The following RGS7 variants were observed in gnomAD, a reference collection of about 807,000 sequenced individuals.
RGS7 encodes the protein regulator of G protein signaling 7, also known as regulator of G-protein signaling 7.
RGS7 carries 27 observed loss-of-function variants against 81.1 expected under a neutral mutation model. The observed-to-expected ratio is 0.33, with a 90% CI of 0.25 to 0.46. The LOEUF (loss-of-function observed/expected upper bound fraction) is 0.46. RGS7 is among the 20% of genes least tolerant of loss of function. The pLI is 1.00. For missense variants in RGS7, 396 were observed against 607.4 expected (o/e 0.65, Z 3.66); for synonymous variants, 208 against 207.7 (o/e 1.00, Z -0.01).
chr1:241,098,597 T>A, intron 3 of RGS7, 69 bp downstream of exon 3: 1 of 1,014,088 alleles, frequency 9.9e-7, no homozygotes, highest in Non-Finnish European at 1.6e-6. Flanking sequence ...AGTGAACAGC[T>A]GGAATCAGTT....
chr1:241,345,587 T>G (rs1464374848), intron 2 of RGS7, among the ~76,000 whole-genome samples: 1 of 152,114 alleles, frequency 6.6e-6, no homozygotes, highest in Non-Finnish European at 1.5e-5. Context: ...TAAAAGTGAG[T>G]AAAATGAATA....
At chr1:241,069,365 T>C (rs1196634672) in intron 3 of RGS7, among the ~76,000 whole-genome samples, 2 of 152,182 alleles carry the variant, frequency 1.3e-5, no homozygotes, top group Non-Finnish European at 2.9e-5. Context: ...CACCTAGTGG[T>C]GGGTACCTTG....
At chr1:240,880,091 G>C (rs1226662849) in intron 6 of RGS7, among the ~76,000 whole-genome samples, 1 of 152,178 alleles carries the variant, frequency 6.6e-6, no homozygotes, top group Non-Finnish European at 1.5e-5. Context: ...ACCCAGACTG[G>C]AGTGCAGTGG....
At position 240,877,433 on chromosome 1, in the gene RGS7, CAT is replaced by C. The variant is rs1195297177; in HGVS notation, c.386-7316_386-7315del. ...TTTTATATATACATCTGCTAATACA[CAT>C]ATGAATATCTGTTTATATACAAAAT... On this transcript the variant is annotated intron_variant, in intron 6 of 18. Transcript: ENST00000440928. 6.6e-5 allele frequency among the ~76,000 whole-genome samples: 10 copies of C among 151,770 alleles called. 1 individual carries two copies. The South Asian group carries it at 1.9e-3, about 28-fold the overall frequency.
At chr1:241,072,894 G>A (rs2062562418) in intron 3 of RGS7, among the ~76,000 whole-genome samples, 1 of 152,106 alleles carries the variant, frequency 6.6e-6, no homozygotes, top group Admixed American at 6.5e-5. Context: ...CTCAAGTCAG[G>A]AGCTTCTCAG....
intron 3 of RGS7, among the ~76,000 whole-genome samples, chr1:241,009,836 C>A (rs1265509669): frequency 6.6e-6 from 1 of 152,170 alleles, no homozygotes; most frequent in Non-Finnish European, 1.5e-5. Context: ...AATAACAAAG[C>A]ATTAAGTTGA....
chr1:240,958,124 G>A (rs1421987034), intron 4 of RGS7, among the ~76,000 whole-genome samples: 2 of 152,196 alleles, frequency 1.3e-5, no homozygotes, highest in African/African-American at 2.4e-5. Context: ...AAAGCCTCAG[G>A]CCGGAGAAGG....
intron 2 of RGS7, among the ~76,000 whole-genome samples, chr1:241,184,300 C>T (rs748684159): frequency 3.9e-5 from 6 of 152,082 alleles, no homozygotes; most frequent in South Asian, 2.1e-4. Context: ...ACTCTGTTGA[C>T]GACAGCAGAA....
chr1:241,169,623 G>A (rs776742170), intron 2 of RGS7, among the ~76,000 whole-genome samples: 8 of 152,094 alleles, frequency 5.3e-5, no homozygotes, highest in African/African-American at 9.6e-5. Flanking sequence ...GATTACAGGC[G>A]TGAACCACCC....
intron 2 of RGS7, among the ~76,000 whole-genome samples, chr1:241,343,341 C>T (rs2082691573): frequency 6.6e-6 from 1 of 151,870 alleles, no homozygotes; most frequent in Admixed American, 6.6e-5. Flanking sequence ...AAAGAACTGA[C>T]AGCAGAGACT....
chr1:240,904,870 T>A (rs1428598281), intron 6 of RGS7, among the ~76,000 whole-genome samples: 1 of 152,192 alleles, frequency 6.6e-6, no homozygotes, highest in Non-Finnish European at 1.5e-5. Context: ...TCATAATGCA[T>A]GGTATTTTCA....
At chr1:240,956,615 C>G (rs986038796) in intron 4 of RGS7, among the ~76,000 whole-genome samples, 2 of 151,900 alleles carry the variant, frequency 1.3e-5, no homozygotes, top group Non-Finnish European at 2.9e-5. Flanking sequence ...AGTCACTTTA[C>G]AATATATTTT....
intron 4 of RGS7, among the ~76,000 whole-genome samples, chr1:240,965,867 T>G (rs1250577384): frequency 2.0e-5 from 3 of 152,196 alleles, no homozygotes; most frequent in Non-Finnish European, 4.4e-5. Context: ...CATCTGTTAG[T>G]AAATCGGGCA....
chr1:241,210,498 G>A (rs2074184613), intron 2 of RGS7, among the ~76,000 whole-genome samples: 1 of 152,144 alleles, frequency 6.6e-6, no homozygotes, highest in Non-Finnish European at 1.5e-5. Flanking sequence ...AAAGTCTGAT[G>A]GATTTATGGC....
chr1:241,245,248 A>G (rs9428501), intron 2 of RGS7, among the ~76,000 whole-genome samples: 103,192 of 151,830 alleles, frequency 0.68, 35,195 homozygotes, highest in African/African-American at 0.72. Flanking sequence ...TTGGATCATG[A>G]GGATGCTTTC....
chr1:240,883,493 C>A (rs1310128179), intron 6 of RGS7, among the ~76,000 whole-genome samples: 1 of 152,126 alleles, frequency 6.6e-6, no homozygotes, highest in Admixed American at 6.6e-5. Flanking sequence ...CTCCTTTAAA[C>A]CTCACATTAA....
chr1:240,777,555 G>C (rs565687799), intron 18 of RGS7, among the ~76,000 whole-genome samples: 2 of 152,288 alleles, frequency 1.3e-5, no homozygotes, highest in Admixed American at 6.5e-5. Flanking sequence ...ATCACTCATG[G>C]CCATTGCCTT....
chr1:241,009,753 G>A (rs776081877), intron 3 of RGS7, among the ~76,000 whole-genome samples: 8 of 152,188 alleles, frequency 5.3e-5, no homozygotes, highest in Non-Finnish European at 1.2e-4. Context: ...AAGGCATACT[G>A]CAAATTGTTG....
In RGS7 at chr1:240,993,738, T is replaced by C. The variant is rs185350521; in HGVS notation, c.176-10609A>G. 2.2e-4 allele frequency among the ~76,000 whole-genome samples: 34 copies of C among 152,278 alleles called. 2 individuals are homozygous for C. Among genetic ancestry groups the C allele is most frequent in the Admixed American group, 1.4e-3 (21 of 15,302 alleles). ...TGAGGTCCAATTTATCAACTTTTTA[T>C]AGATTATAGTATTAAATCTAAGAAC... On this transcript the variant is annotated intron_variant, in intron 3 of 18. Transcript: ENST00000440928.
Sources: allele counts gnomAD v4.1 joint callset (sites outside exome capture counted in the v4.1 genomes callset), GRCh38; gene constraint gnomAD v4.1.1; transcripts MANE v1.5; gene names NCBI Gene and HGNC (gene_info 2026-07-23, HGNC 2026-07-21).